CNTN4: variants seen among roughly 807,000 people sequenced by gnomAD.
CNTN4 encodes the protein contactin-4.
Under a neutral mutation model 122.5 loss-of-function variants are expected in CNTN4, and 77 were observed. That is an observed-to-expected ratio of 0.63 (90% CI 0.52 to 0.76). The LOEUF is 0.76. Among genes scored for constraint, CNTN4 ranks in the 30% least tolerant of loss-of-function variants. The pLI is 0.00. For missense variants in CNTN4, 1,256 were observed against 1,259.1 expected, an observed-to-expected ratio of 1.00 and a Z score of 0.04; for synonymous variants, 512 against 447.0, an observed-to-expected ratio of 1.15 and a Z score of -1.83.
chr3:2,354,780 A>G (rs984654216), intron 3 of CNTN4, among the ~76,000 whole-genome samples: 3 of 152,176 alleles, frequency 2.0e-5, no homozygotes, highest in African/African-American at 7.2e-5. Context: ...TTTCTGTGGC[A>G]TGCCAGCTCT....
chr3:2,702,017 G>T (rs1006595016), intron 4 of CNTN4, among the ~76,000 whole-genome samples: 3 of 152,176 alleles, frequency 2.0e-5, no homozygotes, highest in African/African-American at 7.2e-5. Context: ...TAGAGTGAAA[G>T]GTATTAGGCA....
At chr3:2,778,297 T>C (rs971086189) in intron 6 of CNTN4, among the ~76,000 whole-genome samples, 9 of 29,190 alleles carry the variant, frequency 3.1e-4, no homozygotes. Context: ...GTGTTATCCA[T>C]GTATGTATAA....
intron 3 of CNTN4, among the ~76,000 whole-genome samples, chr3:2,481,538 C>T (rs1212555675): frequency 6.6e-5 from 10 of 152,128 alleles, no homozygotes; most frequent in Middle Eastern, 6.8e-3. Context: ...ACTTAAACCC[C>T]GCGCAAAAAA....
intron 4 of CNTN4, among the ~76,000 whole-genome samples, chr3:2,649,804 C>G (rs1430571599): frequency 6.6e-6 from 1 of 151,796 alleles, no homozygotes; most frequent in Non-Finnish European, 1.5e-5. Context: ...TGAAACTCTT[C>G]TAGAAAGGAT....
intron 4 of CNTN4, among the ~76,000 whole-genome samples, chr3:2,651,058 C>G (rs953173852): frequency 6.6e-6 from 1 of 152,178 alleles, no homozygotes; most frequent in Admixed American, 6.5e-5. Context: ...ACATCTTTTA[C>G]TAGCAGACAT....
intron 2 of CNTN4, among the ~76,000 whole-genome samples, chr3:2,316,104 C>T (rs2043088904): frequency 6.6e-6 from 1 of 151,966 alleles, no homozygotes. Flanking sequence ...TGTGGGTCAT[C>T]TTTTATGATG....
At chr3:2,534,372 C>G (rs376550591) in intron 3 of CNTN4, among the ~76,000 whole-genome samples, 1 of 152,088 alleles carries the variant, frequency 6.6e-6, no homozygotes, top group East Asian at 1.9e-4. Flanking sequence ...AATCCTTTCC[C>G]CATTTCTTGT....
In CNTN4 at chr3:2,949,616, G is replaced by A. The variant is rs141929910; in HGVS notation, c.1358+23837G>A. ...GCAGGACACAGAGCAGAGACATTGG[G>A]TGGCAGCTCCCTGGGGATATTGCTC... On this transcript the variant is annotated intron_variant, in intron 13 of 24. Transcript: ENST00000418658. Among the ~76,000 whole-genome samples the A allele has an allele frequency of 2.7e-3, 414 of 152,252 alleles. 2 individuals are homozygous for A. The highest frequency in any genetic ancestry group is 0.01 in the Middle Eastern group (3 of 294).
intron 2 of CNTN4, among the ~76,000 whole-genome samples, chr3:2,325,598 A>T (rs1036307567): frequency 1.3e-5 from 2 of 152,192 alleles, no homozygotes; most frequent in Non-Finnish European, 2.9e-5. Flanking sequence ...CAAGCCCTCC[A>T]GTGGATGTTC....
intron 9 of CNTN4, 66 bp downstream of exon 9, chr3:2,883,313 C>A (rs2093933767): frequency 2.6e-6 from 3 of 1,152,256 alleles, no homozygotes; most frequent in Non-Finnish European, 3.9e-6. Flanking sequence ...GTTTTTCTTG[C>A]ACTGTTCACA....
At chr3:2,156,177 C>CTGG (rs2035708813) in intron 2 of CNTN4, among the ~76,000 whole-genome samples, 1 of 152,138 alleles carries the variant, frequency 6.6e-6, no homozygotes, top group South Asian at 2.1e-4. Flanking sequence ...TTTTGGAGAG[C>CTGG]TGGTAGGTGC....
intron 13 of CNTN4, among the ~76,000 whole-genome samples, chr3:2,971,244 G>A (rs1418344578): frequency 6.6e-6 from 1 of 152,164 alleles, no homozygotes; most frequent in Non-Finnish European, 1.5e-5. Flanking sequence ...AAGAAAATGT[G>A]TGTATTAGTG....
At chr3:2,359,992 A>G (rs1381736359) in intron 3 of CNTN4, among the ~76,000 whole-genome samples, 2 of 152,336 alleles carry the variant, frequency 1.3e-5, no homozygotes, top group Admixed American at 1.3e-4. Flanking sequence ...AGATGAACAG[A>G]TTATTCGTCT....
intron 3 of CNTN4, among the ~76,000 whole-genome samples, chr3:2,392,509 T>G (rs963451637): frequency 3.9e-5 from 6 of 152,174 alleles, no homozygotes; most frequent in Admixed American, 3.3e-4. Flanking sequence ...TTTTTTCATT[T>G]TATTCTATTT....
At chr3:2,869,953 T>G (rs139870559) in intron 8 of CNTN4, among the ~76,000 whole-genome samples, 1 of 152,332 alleles carries the variant, frequency 6.6e-6, no homozygotes, top group East Asian at 1.9e-4. Flanking sequence ...AAGAAATCTC[T>G]TAAAAATACA....
chr3:2,362,587 G>A (rs2045203068), intron 3 of CNTN4: 5 of 531,864 alleles, frequency 9.4e-6, no homozygotes, highest in South Asian at 3.0e-5. Flanking sequence ...CAGCTTCTTG[G>A]ACACCTACTC....
intron 7 of CNTN4, among the ~76,000 whole-genome samples, chr3:2,845,139 G>T (rs942205347): frequency 6.6e-6 from 1 of 152,018 alleles, no homozygotes; most frequent in Non-Finnish European, 1.5e-5. Context: ...AGAAAAACAA[G>T]CCAATAAAAA....
At chr3:2,164,239 AAAC>A (rs1226399819) in intron 2 of CNTN4, among the ~76,000 whole-genome samples, 37 of 151,972 alleles carry the variant, frequency 2.4e-4, no homozygotes, top group African/African-American at 6.8e-4. Flanking sequence ...AGGAAAAAAA[AAAC>A]AACAACAAAG....
At chr3:2,300,837 G>A (rs959892564) in intron 2 of CNTN4, among the ~76,000 whole-genome samples, 2 of 151,896 alleles carry the variant, frequency 1.3e-5, no homozygotes, top group African/African-American at 2.4e-5. Context: ...CCAAAGTGCT[G>A]GGATTACAGG....
Sources: gnomAD v4.1 joint callset for allele counts (sites outside exome capture counted in the v4.1 genomes callset) on GRCh38, gnomAD v4.1.1 for gene constraint, MANE v1.5 for transcripts, NCBI Gene and HGNC (gene_info 2026-07-23, HGNC 2026-07-21) for gene names.